Variants in PHC2 observed in about 807,000 individuals in gnomAD.
PHC2 encodes polyhomeotic homolog 2.
PHC2 carries 29 observed loss-of-function variants against 87.4 expected under a neutral mutation model. That is an observed-to-expected ratio of 0.33 (90% confidence interval 0.25 to 0.45). PHC2 has a LOEUF of 0.45. Ranked by LOEUF, PHC2 falls within the 20% of genes least tolerant of loss-of-function variation. PHC2 has a pLI of 1.00. For synonymous variants in PHC2, 438 were observed against 461.7 expected, an observed-to-expected ratio of 0.95 and a Z score of 0.66; for missense variants, 857 against 1,136.7, an observed-to-expected ratio of 0.75 and a Z score of 3.54.
At chr1:33,392,169 A>G (rs201357100) in intron 1 of PHC2, among the ~76,000 whole-genome samples, 1 of 127,198 alleles carries the variant, frequency 7.9e-6, no homozygotes, top group African/African-American at 3.6e-5. Flanking sequence ...ACATACGTGC[A>G]CACACACACA....
chr1:33,353,046 T>TA (rs1403152571), intron 9 of PHC2, among the ~76,000 whole-genome samples: 2 of 152,188 alleles, frequency 1.3e-5, no homozygotes, highest in Non-Finnish European at 2.9e-5. Flanking sequence ...AACAGGCCTC[T>TA]AAAGACTAGT....
intron 7 of PHC2, among the ~76,000 whole-genome samples, chr1:33,359,390 G>C (rs1007415237): frequency 6.6e-6 from 1 of 152,170 alleles, no homozygotes; most frequent in African/African-American, 2.4e-5. Context: ...CATTTTCCTA[G>C]AAGTCCACTA....
At chr1:33,335,079 A>C (rs1390573484) in intron 9 of PHC2, 33 of 445,996 alleles carry the variant, frequency 7.4e-5, no homozygotes, top group Non-Finnish European at 9.5e-5. Context: ...CTCTGTGGAC[A>C]ACCTTTCCTA....
chr1:33,351,970 AAAG>A (rs1646982145), intron 9 of PHC2, among the ~76,000 whole-genome samples: 1 of 150,004 alleles, frequency 6.7e-6, no homozygotes. Flanking sequence ...AAAAAAAAAA[AAAG>A]ACATACACAG....
At position 33,349,632 on chromosome 1, in the gene PHC2, C is replaced by T. The variant is rs1374119881; in HGVS notation, c.1558+4769G>A. On this transcript the variant is annotated intron_variant, in intron 9 of 14. Transcript: ENST00000683057. The surrounding 1 kb of genome is among the most constrained non-coding windows in gnomAD (Gnocchi z 4.2). ...CCCGGCTGGGCCTGGCCGGGCGGGG[C>T]CTACGCAGCCCCTCGGCCGGGCGCC... 3 of 983,556 alleles carry T rather than the reference C, an allele frequency of 3.1e-6. No homozygotes were observed. Among genetic ancestry groups the T allele is most frequent in the African/African-American group, 1.8e-5 (1 of 57,068 alleles). The allele number at this position is 983,556 out of a possible 1,614,324, so 60.9% of individuals were successfully genotyped here.
Position 33,367,348 on chromosome 1 carries a change from G to A in PHC2, c.744C>T (p.Pro248=), listed in dbSNP as rs372491341. The stretch of plus-strand genomic sequence containing the variant: ...CCGGCGTGGGTTTCAGGGCCAAGCT[G>A]GGCAGGACAGGCTGAGTGGGGGTGG... ...SGPTPTQPVL[P]SLALKPTPGG... The change falls in exon 7 of 15, where the codon CCC becomes CCT. Residue 248 remains proline (P), a synonymous_variant. Transcript: ENST00000683057. 1 of 1,612,352 alleles carries A rather than the reference G, an allele frequency of 6.2e-7. No individual in the cohort carries two copies. The highest frequency in any genetic ancestry group is 8.5e-7 in the Non-Finnish European group (1 of 1,178,750).
At chr1:33,389,739 C>T (rs538822755) in intron 1 of PHC2, among the ~76,000 whole-genome samples, 68 of 152,282 alleles carry the variant, frequency 4.5e-4, no homozygotes, top group African/African-American at 1.4e-3. Flanking sequence ...CTGTGACCAC[C>T]GGCCTTTTGC....
chr1:33,381,099 C>G (rs1371528975), intron 1 of PHC2, among the ~76,000 whole-genome samples: 8 of 152,282 alleles, frequency 5.3e-5, no homozygotes, highest in Admixed American at 2.0e-4. Context: ...TGCAACCCCC[C>G]CAACTCTTCT....
In PHC2 at chr1:33,332,589, G is replaced by A; in HGVS notation, c.1762-185C>T. 1 of 667,818 alleles carries A rather than the reference G, an allele frequency of 1.5e-6. No individual in the cohort carries two copies. The highest frequency in any genetic ancestry group is 2.6e-6 in the Non-Finnish European group (1 of 391,684). The allele number at this position is 667,818 out of a possible 1,614,324, so 41.4% of individuals were successfully genotyped here. ...CCTATTTTGCTGGTTGGCTCACGAG[G>A]TAAGATGCTAATGGGCAAAGTACAG... On this transcript the variant is annotated intron_variant, in intron 10 of 14. Transcript: ENST00000683057. This position sits in a 1 kb window ranked among gnomAD's most constrained non-coding sequence, Gnocchi z 4.2.
chr1:33,422,054 TCTG>T (rs879847335), intron 1 of PHC2, among the ~76,000 whole-genome samples: 12 of 152,172 alleles, frequency 7.9e-5, no homozygotes, highest in African/African-American at 1.7e-4. Flanking sequence ...CCTCAAATGT[TCTG>T]CTGTGGTCTT....
intron 1 of PHC2, among the ~76,000 whole-genome samples, chr1:33,423,207 T>C (rs10493053): frequency 0.099 from 15,070 of 152,070 alleles, 1,060 homozygotes; most frequent in East Asian, 0.28. Flanking sequence ...CTCTAGCACA[T>C]TGAAGTATTA....
At chr1:33,426,017 T>C (rs1360499708) in intron 1 of PHC2, among the ~76,000 whole-genome samples, 7 of 152,158 alleles carry the variant, frequency 4.6e-5, no homozygotes. Flanking sequence ...GTGGTAAGTG[T>C]CAAGTGATGT....
In PHC2 at chr1:33,333,874, G is replaced by A. The variant is rs1297951666; in HGVS notation, c.1761+216C>T. ...TTTGTGTGGGAAACTTCTAACCAAG[G>A]GTCTTGTCAATTATTCCTGATCACT... On this transcript the variant is annotated intron_variant, in intron 10 of 14. Transcript: ENST00000683057. The A allele has an allele frequency of 2.1e-5, 11 of 533,678 alleles. 1 individual carries two copies. In the East Asian group the frequency reaches 3.7e-4, roughly 18 times the overall value. 33.1% of individuals were successfully genotyped at this position (533,678 alleles called of 1,614,324 possible). A position where few individuals can be genotyped will look rare whatever the true frequency, so the allele number is the denominator to read the frequency against.
chr1:33,361,371 G>A (rs762825039), intron 7 of PHC2, among the ~76,000 whole-genome samples: 1 of 152,152 alleles, frequency 6.6e-6, no homozygotes, highest in Non-Finnish European at 1.5e-5. Context: ...ATGGAGTTTC[G>A]CTCTTGACGC....
At chr1:33,404,292 TC>T (rs1649664438) in intron 1 of PHC2, among the ~76,000 whole-genome samples, 1 of 152,182 alleles carries the variant, frequency 6.6e-6, no homozygotes, top group African/African-American at 2.4e-5. Flanking sequence ...TTTCTTTTCT[TC>T]CTAGGAAAAG....
At chr1:33,366,911 A>C (rs375036380) in intron 7 of PHC2, among the ~76,000 whole-genome samples, 18 of 152,234 alleles carry the variant, frequency 1.2e-4, no homozygotes, top group African/African-American at 3.9e-4. Flanking sequence ...TATTCCAACT[A>C]ACATGGCTGC....
At chr1:33,339,980 C>T (rs912860981) in intron 9 of PHC2, among the ~76,000 whole-genome samples, 1 of 152,146 alleles carries the variant, frequency 6.6e-6, no homozygotes, top group Admixed American at 6.5e-5. Flanking sequence ...ACATCTGCAA[C>T]AGGTATTTCA....
Position 33,349,745 on chromosome 1 carries a change from C to T in PHC2, c.1558+4656G>A, listed in dbSNP as rs930725069. 1 of 992,516 alleles carries T rather than the reference C, an allele frequency of 1.0e-6. No individual in the cohort carries two copies. The highest frequency in any genetic ancestry group is 1.2e-6 in the Non-Finnish European group (1 of 833,880). The allele number at this position is 992,516 out of a possible 1,614,324, so 61.5% of individuals were successfully genotyped here. A position where few individuals can be genotyped will look rare whatever the true frequency, so the allele number is the denominator to read the frequency against. On this transcript the variant is annotated intron_variant, in intron 9 of 14. Coordinates refer to ENST00000683057, the MANE Select transcript of PHC2 (RefSeq NM_001385109.1). The surrounding 1 kb of genome is among the most constrained non-coding windows in gnomAD (Gnocchi z 4.2). Reference sequence around the variant, plus strand: ...GGGCCCGGGGCTGCCGCGGCGCATCCGACCGCACCGGCCTGGCCGGCGTCA... The same window carrying T: ...GGGCCCGGGGCTGCCGCGGCGCATCTGACCGCACCGGCCTGGCCGGCGTCA...
intron 9 of PHC2, among the ~76,000 whole-genome samples, chr1:33,343,080 G>A (rs916246447): frequency 1.3e-5 from 2 of 152,134 alleles, no homozygotes; most frequent in Non-Finnish European, 1.5e-5. Context: ...CTGTCTGGGA[G>A]GTTTCAGTAA....
Sources: allele counts gnomAD v4.1 joint callset (sites outside exome capture counted in the v4.1 genomes callset), GRCh38; gene constraint gnomAD v4.1.1; non-coding constraint Gnocchi (gnomAD v3.1); transcripts MANE v1.5; gene names NCBI Gene and HGNC (gene_info 2026-07-23, HGNC 2026-07-21).